Variants in RGSL1 observed in about 807,000 individuals in gnomAD.
RGSL1 encodes regulator of G protein signaling protein-like.
Under a neutral mutation model 124.7 loss-of-function variants are expected in RGSL1, and 97 were observed. The observed-to-expected ratio is 0.78, with a 90% CI of 0.66 to 0.92. The LOEUF is 0.92. RGSL1 is among the 40% of genes least tolerant of loss of function. The pLI is 0.00. For synonymous variants in RGSL1, 424 were observed against 438.1 expected (o/e 0.97, Z 0.40); for missense variants, 1,233 against 1,288.4 (o/e 0.96, Z 0.66).
At chr1:182,549,024 G>A in intron 17 of RGSL1, 200 bp downstream of exon 17, 2 of 565,610 alleles carry the variant, frequency 3.5e-6, no homozygotes, top group South Asian at 4.9e-5. Flanking sequence ...ATGGAAGGCA[G>A]AGTAAGACTG....
Position 182,474,496 on chromosome 1 carries a change from G to A in RGSL1, c.1385G>A (p.Gly462Glu), listed in dbSNP as rs1416197247. ...GGCCTGAAGGAACTATTGCCCTCTGGGGATGTGATCCCCTGGATTCCCAAA... is the reference window on the plus strand; with the variant it reads ...GGCCTGAAGGAACTATTGCCCTCTGAGGATGTGATCCCCTGGATTCCCAAA... ...IQGLKELLPS[G>E]DVIPWIPKAQ... The change falls in exon 6 of 22, where the codon GGG becomes GAG. Residue 462 changes from glycine (G) to glutamate (E), a missense_variant. By Grantham distance (98) the Gly-to-Glu change is moderately conservative (BLOSUM62 -2). Transcript: ENST00000294854. 1.3e-6 allele frequency: 2 copies of A among 1,550,306 alleles called. No homozygotes were observed. The highest frequency in any genetic ancestry group is 3.9e-5 in the Admixed American group (2 of 50,944).
chr1:182,546,421 G>A (rs892667106), intron 15 of RGSL1, among the ~76,000 whole-genome samples: 42 of 151,806 alleles, frequency 2.8e-4, no homozygotes, highest in African/African-American at 9.9e-4. Flanking sequence ...TTCATGAGAC[G>A]GAGTCTCACT....
chr1:182,539,856 T>C (rs1303671613), intron 14 of RGSL1, among the ~76,000 whole-genome samples: 1 of 152,228 alleles, frequency 6.6e-6, no homozygotes, highest in Non-Finnish European at 1.5e-5. Context: ...TTTGTGCTGC[T>C]TTCCTCATTT....
At chr1:182,479,523 A>G (rs1654537103) in intron 6 of RGSL1, among the ~76,000 whole-genome samples, 1 of 152,216 alleles carries the variant, frequency 6.6e-6, no homozygotes, top group Non-Finnish European at 1.5e-5. Context: ...AAAAGAAAAT[A>G]AAGTATATCA....
At chr1:182,532,609 G>C in intron 13 of RGSL1, 53 bp from the exon 14 acceptor site, 1 of 1,530,754 alleles carries the variant, frequency 6.5e-7, no homozygotes, top group Non-Finnish European at 8.8e-7. Context: ...GTAGACTCTC[G>C]GTGAACAGCA....
chr1:182,553,328 A>C, intron 18 of RGSL1, 127 bp from the exon 19 acceptor site: 1 of 690,738 alleles, frequency 1.4e-6, no homozygotes, highest in Admixed American at 2.9e-5. Context: ...AGATTTAGAT[A>C]ATGTTTTATC....
intron 13 of RGSL1, among the ~76,000 whole-genome samples, chr1:182,531,255 C>T (rs1659152559): frequency 6.6e-6 from 1 of 152,160 alleles, no homozygotes; most frequent in African/African-American, 2.4e-5. Context: ...CCAGGGTGAG[C>T]CTCTTACTGT....
intron 19 of RGSL1, 107 bp downstream of exon 19, chr1:182,553,648 CA>C: frequency 2.2e-6 from 2 of 895,884 alleles, no homozygotes; most frequent in Non-Finnish European, 3.5e-6. Context: ...CTGAGACCCC[CA>C]AAATGTGAAG....
chr1:182,506,937 A>G (rs1210788561), intron 9 of RGSL1, among the ~76,000 whole-genome samples: 1 of 151,134 alleles, frequency 6.6e-6, no homozygotes. Flanking sequence ...GAAATATACA[A>G]TAGATTGTTG....
rs1332502414 is a variant in RGSL1 at position 182,554,883 on chromosome 1, C to T, written c.3197+190C>T. ...GTGTTTCTCTGTGGGGGTCCTTTCT[C>T]ACCTCCAACTAGGACAGGCACTTTT... On this transcript the variant is annotated intron_variant, in intron 20 of 21. Transcript: ENST00000294854. The T allele has an allele frequency of 1.0e-5, 6 of 595,570 alleles. No individual in the cohort carries two copies. In the East Asian group the frequency reaches 1.4e-4, roughly 14 times the overall value. 36.9% of individuals were successfully genotyped at this position (595,570 alleles called of 1,614,324 possible). A position where few individuals can be genotyped will look rare whatever the true frequency, so the allele number is the denominator to read the frequency against.
At chr1:182,448,165 G>C (rs1020468450), upstream of RGSL1, 1 of 152,366 alleles carries the variant, frequency 6.6e-6, no homozygotes, top group African/African-American at 2.4e-5. Flanking sequence ...TCTGAGATGT[G>C]AATGCAGCTC....
chr1:182,522,080 T>C lies in RGSL1; in HGVS notation c.1902T>C (p.Thr634=). ...GGAAAATGTCCTTGCTCAAAAGAAC[T>C]CTTGTAAGGAAGCCATCAATGAGAC... The part of the protein sequence containing the change: ...SNRKMSLLKR[T]LVRKPSMRPR... The change falls in exon 10 of 22, where the codon ACT becomes ACC. Residue 634 remains threonine, a synonymous_variant. Transcript: ENST00000294854. 12 of 1,550,232 alleles carry C rather than the reference T, an allele frequency of 7.7e-6. No individual in the cohort carries two copies. Among genetic ancestry groups the C allele is most frequent in the Non-Finnish European group, 1.0e-5 (12 of 1,146,496 alleles).
At chr1:182,502,346 G>A (rs185613610) in intron 9 of RGSL1, among the ~76,000 whole-genome samples, 71 of 152,202 alleles carry the variant, frequency 4.7e-4, no homozygotes, top group African/African-American at 1.7e-3. Context: ...TTTGGAGGCC[G>A]AGGCAGGATA....
chr1:182,501,295 CTTTTTTCTTTTCTTTTTT>C (rs1656347939), intron 9 of RGSL1, among the ~76,000 whole-genome samples: 1 of 102,288 alleles, frequency 9.8e-6, no homozygotes, highest in African/African-American at 3.6e-5. Flanking sequence ...CTTTTCTTTT[CTTTTTTCTTTTCTTTTTT>C]TTTTTTTTTT....
intron 10 of RGSL1, among the ~76,000 whole-genome samples, chr1:182,526,501 C>T (rs1243149895): frequency 7.8e-6 from 1 of 128,514 alleles, no homozygotes; most frequent in Non-Finnish European, 1.8e-5. Context: ...AACTCCGTCT[C>T]TAAAAAAAAA....
At chr1:182,523,100 A>G (rs622914) in intron 10 of RGSL1, among the ~76,000 whole-genome samples, 131,018 of 151,578 alleles carry the variant, frequency 0.86, 56,953 homozygotes, top group Non-Finnish European at 0.89. Context: ...CAGTGGCTCA[A>G]TCACAGCTCA....
rs770991888 is a variant in RGSL1, at chr1:182,460,021, G to A, written c.189G>A (p.Gly63=). The A allele has an allele frequency of 1.9e-6, 3 of 1,551,548 alleles. No homozygotes were observed. Among genetic ancestry groups the A allele is most frequent in the South Asian group, 1.2e-5 (1 of 84,058 alleles). Reference sequence around the variant, plus strand: ...GACTCTAGATTGCCAAATACAAAGGGTTATTGACCTGGTTGGAAAAATGCC... The same window carrying A: ...GACTCTAGATTGCCAAATACAAAGGATTATTGACCTGGTTGGAAAAATGCC... The part of the protein sequence containing the change: ...IPCNLIAKYK[G]LLTWLEKCRL... Residue 63 remains glycine, a synonymous_variant, in exon 4 of 22, where the codon GGG becomes GGA. Coordinates refer to ENST00000294854, the MANE Select transcript of RGSL1 (RefSeq NM_001137669.2).
At chr1:182,448,566 G>A (rs1651611205), upstream of RGSL1, among the ~76,000 whole-genome samples, 1 of 151,982 alleles carries the variant, frequency 6.6e-6, no homozygotes, top group Non-Finnish European at 1.5e-5. Flanking sequence ...ATTATCTGGG[G>A]GCACTTGGAA....
In RGSL1 at chr1:182,521,186, C is replaced by T. The variant is rs187115581; in HGVS notation, c.1826-818C>T. ...CTGGGCTCAACTGATCTTCTTGCCT[C>T]AGCCTTCCAAGTAGCTAGGACCACA... On this transcript the variant is annotated intron_variant, in intron 9 of 21. Coordinates refer to ENST00000294854, the MANE Select transcript of RGSL1 (RefSeq NM_001137669.2). Among the ~76,000 whole-genome samples, 5 of 152,278 alleles carry T rather than the reference C, an allele frequency of 3.3e-5. No individual in the cohort carries two copies. In the East Asian group the frequency reaches 9.6e-4, roughly 29 times the overall value.
Sources: gnomAD v4.1 joint callset for allele counts (sites outside exome capture counted in the v4.1 genomes callset) on GRCh38, gnomAD v4.1.1 for gene constraint, MANE v1.5 for transcripts, NCBI Gene and HGNC (gene_info 2026-07-23, HGNC 2026-07-21) for gene names.